The following PARD3 variants were observed in gnomAD, a reference collection of about 807,000 sequenced individuals.
PARD3 encodes par-3 family cell polarity regulator, also known as partitioning defective 3 homolog.
Under a neutral mutation model 155.4 loss-of-function variants are expected in PARD3, and 75 were observed. That is an observed-to-expected ratio of 0.48 (90% CI 0.40 to 0.58). The LOEUF is 0.58. Ranked by LOEUF, PARD3 falls within the 20% of genes least tolerant of loss-of-function variation. PARD3 has a pLI of 0.00. For missense variants in PARD3, 1,642 were observed against 1,721.7 expected (o/e 0.95, Z 0.82); for synonymous variants, 576 against 610.5 (o/e 0.94, Z 0.83).
At chr10:34,368,839 TAAA>T (rs71033310) in intron 12 of PARD3, among the ~76,000 whole-genome samples, 4 of 108,614 alleles carry the variant, frequency 3.7e-5, no homozygotes, top group Admixed American at 1.0e-4. Context: ...ATGAGCAATG[TAAA>T]AAAAAAAAAA....
intron 12 of PARD3, among the ~76,000 whole-genome samples, chr10:34,367,316 C>T (rs1321445116): frequency 2.0e-5 from 3 of 152,204 alleles, no homozygotes; most frequent in Non-Finnish European, 4.4e-5. Flanking sequence ...CATTCATTCT[C>T]TCATTCATTT....
chr10:34,773,101 C>A (rs1446438503), intron 1 of PARD3, among the ~76,000 whole-genome samples: 1 of 152,156 alleles, frequency 6.6e-6, no homozygotes, highest in Non-Finnish European at 1.5e-5. Context: ...TCATTTTCAT[C>A]CTACCATAGC....
At chr10:34,517,462 T>C (rs879665531) in intron 2 of PARD3, among the ~76,000 whole-genome samples, 2 of 152,136 alleles carry the variant, frequency 1.3e-5, no homozygotes, top group Non-Finnish European at 2.9e-5. Flanking sequence ...AAATATAGGA[T>C]ATTTAAATGG....
At chr10:34,640,491 C>A (rs1177361739) in intron 2 of PARD3, among the ~76,000 whole-genome samples, 2 of 151,780 alleles carry the variant, frequency 1.3e-5, no homozygotes, top group Non-Finnish European at 2.9e-5. Context: ...GTGGCATGCA[C>A]CTATAGTCCC....
intron 4 of PARD3, among the ~76,000 whole-genome samples, chr10:34,467,358 T>A (rs1181424204): frequency 6.6e-6 from 1 of 151,272 alleles, no homozygotes; most frequent in Non-Finnish European, 1.5e-5. Context: ...TGTGTGTGTG[T>A]GTGTAAATAC....
At position 34,314,911 on chromosome 10, in the gene PARD3, A is replaced by G. The variant is rs532546888; in HGVS notation, c.3065+2196T>C. Among the ~76,000 whole-genome samples the G allele has an allele frequency of 3.5e-4, 53 of 152,324 alleles. 1 individual carries two copies. The highest frequency in any genetic ancestry group is 5.7e-4 in the Non-Finnish European group (39 of 68,030). ...TTGCAAAGTTTCTAAAAATTGATCA[A>G]TTGGCTCTCACCAGCCAAGGTGGGC... On this transcript the variant is annotated intron_variant, in intron 20 of 24. Coordinates refer to ENST00000374788, the MANE Select transcript of PARD3 (RefSeq NM_001184785.2).
intron 4 of PARD3, among the ~76,000 whole-genome samples, chr10:34,458,187 T>A (rs1388136578): frequency 3.3e-5 from 5 of 152,146 alleles, no homozygotes; most frequent in East Asian, 1.9e-4. Context: ...AATAATTTTT[T>A]AATTTTGTTT....
At chr10:34,284,057 A>G (rs1267027361) in intron 21 of PARD3, 78 bp downstream of exon 21, 4 of 828,232 alleles carry the variant, frequency 4.8e-6, no homozygotes, top group East Asian at 2.5e-5. Context: ...AAATCTTTAC[A>G]TTAAAAAAGA....
At chr10:34,451,307 A>G (rs1366153913) in intron 4 of PARD3, among the ~76,000 whole-genome samples, 1 of 152,180 alleles carries the variant, frequency 6.6e-6, no homozygotes, top group Non-Finnish European at 1.5e-5. Context: ...ATCATCTCCT[A>G]TAAGAACAAA....
At chr10:34,810,390 T>C (rs1843985917) in intron 1 of PARD3, among the ~76,000 whole-genome samples, 1 of 152,140 alleles carries the variant, frequency 6.6e-6, no homozygotes, top group African/African-American at 2.4e-5. Context: ...AATACTTGTG[T>C]GGTCCCAAGT....
intron 2 of PARD3, among the ~76,000 whole-genome samples, chr10:34,533,363 C>T (rs993905761): frequency 5.9e-5 from 9 of 152,194 alleles, no homozygotes; most frequent in African/African-American, 2.2e-4. Context: ...ATCCATACCC[C>T]AAACCTCAAC....
chr10:34,713,071 G>T (rs1410711591), intron 1 of PARD3, among the ~76,000 whole-genome samples: 2 of 151,982 alleles, frequency 1.3e-5, no homozygotes, highest in Non-Finnish European at 2.9e-5. Flanking sequence ...AATTAGCCGG[G>T]CATGGTGGCA....
chr10:34,161,415 G>A (rs1330130351), intron 22 of PARD3, among the ~76,000 whole-genome samples: 2 of 151,948 alleles, frequency 1.3e-5, no homozygotes, highest in African/African-American at 2.4e-5. Context: ...TCAGTGTAAT[G>A]CCTACATGAC....
At chr10:34,264,170 A>C (rs536290193) in intron 22 of PARD3, among the ~76,000 whole-genome samples, 119 of 152,360 alleles carry the variant, frequency 7.8e-4, no homozygotes, top group African/African-American at 2.6e-3. Context: ...TACAGTACTC[A>C]ATAAATTGTA....
intron 1 of PARD3, among the ~76,000 whole-genome samples, chr10:34,726,257 G>A (rs893759942): frequency 2.6e-5 from 4 of 152,058 alleles, no homozygotes; most frequent in South Asian, 2.1e-4. Context: ...CAAGACCAGC[G>A]TGGTCAACAT....
In PARD3 at chr10:34,140,091, C is replaced by T. The variant is rs75803934; in HGVS notation, c.3420-8508G>A. Among the ~76,000 whole-genome samples, 854 of 152,244 alleles carry T rather than the reference C, an allele frequency of 5.6e-3. 4 individuals carry two copies. The highest frequency in any genetic ancestry group is 0.019 in the African/African-American group (774 of 41,554). On this transcript the variant is annotated intron_variant, in intron 22 of 24. Coordinates refer to ENST00000374788, the MANE Select transcript of PARD3 (RefSeq NM_001184785.2). ...ACACCCCGTGTGTTAAAATGGAACA[C>T]TTGTCATTTGCTTTTGTTTTTCGTT...
intron 22 of PARD3, among the ~76,000 whole-genome samples, chr10:34,167,940 C>CA (rs1360566159): frequency 6.6e-6 from 1 of 151,352 alleles, no homozygotes; most frequent in African/African-American, 2.4e-5. Context: ...CTACCATGAA[C>CA]AAAAAAAAGG....
rs117603466 is a variant in PARD3 at position 34,595,015 on chromosome 10, G to C, written c.223-77856C>G. ...ACACACAGGACAGAGCTCAGCTACAGTAGACATGTAGCAAAGGACTGTTAT... is the reference window on the plus strand; with the variant it reads ...ACACACAGGACAGAGCTCAGCTACACTAGACATGTAGCAAAGGACTGTTAT... On this transcript the variant is annotated intron_variant, in intron 2 of 24. Coordinates refer to ENST00000374788, the MANE Select transcript of PARD3 (RefSeq NM_001184785.2). Among the ~76,000 whole-genome samples, 79 of 152,262 alleles carry C rather than the reference G, an allele frequency of 5.2e-4. 1 individual carries two copies. In the East Asian group the frequency reaches 0.014, roughly 26 times the overall value.
chr10:34,226,995 T>C (rs1952632902), intron 22 of PARD3, among the ~76,000 whole-genome samples: 2 of 152,074 alleles, frequency 1.3e-5, no homozygotes, highest in African/African-American at 4.8e-5. Flanking sequence ...CAAAAGCAAT[T>C]GGAACACAAA....
Sources: gnomAD v4.1 joint callset for allele counts (sites outside exome capture counted in the v4.1 genomes callset) on GRCh38, gnomAD v4.1.1 for gene constraint, MANE v1.5 for transcripts, NCBI Gene and HGNC (gene_info 2026-07-23, HGNC 2026-07-21) for gene names.